The following CAPZB variants were observed in gnomAD, a reference collection of about 807,000 sequenced individuals.
The protein encoded by CAPZB is capping actin protein of muscle Z-line subunit beta, also known as F-actin-capping protein subunit beta.
Under a neutral mutation model 38.1 loss-of-function variants are expected in CAPZB, and 2 were observed. The observed-to-expected ratio is 0.05, with a 90% CI of 0.02 to 0.17. The LOEUF (loss-of-function observed/expected upper bound fraction) is 0.17. CAPZB is among the 10% of genes least tolerant of loss of function. CAPZB has a pLI of 1.00. For synonymous variants in CAPZB, 107 were observed against 127.4 expected, an observed-to-expected ratio of 0.84 and a Z score of 1.08; for missense variants, 161 against 334.2, an observed-to-expected ratio of 0.48 and a Z score of 4.04.
intron 1 of CAPZB, chr1:19,420,120 T>G: frequency 5.6e-6 from 1 of 178,318 alleles, no homozygotes; most frequent in East Asian, 1.5e-4. Context: ...GCGGATTACT[T>G]TTGCCCTTTG....
At chr1:19,371,582 G>T (rs1381299690) in intron 4 of CAPZB, among the ~76,000 whole-genome samples, 2 of 152,176 alleles carry the variant, frequency 1.3e-5, no homozygotes, top group East Asian at 3.9e-4. Flanking sequence ...TAAAGCCAAG[G>T]TCCTCTCCAT....
At chr1:19,387,735 C>T (rs2094211576) in intron 2 of CAPZB, among the ~76,000 whole-genome samples, 1 of 152,212 alleles carries the variant, frequency 6.6e-6, no homozygotes, top group Non-Finnish European at 1.5e-5. Context: ...TTTTACTTCT[C>T]TACTAAGACT....
intron 4 of CAPZB, among the ~76,000 whole-genome samples, chr1:19,373,639 A>C (rs2094130528): frequency 6.6e-6 from 1 of 151,798 alleles, no homozygotes; most frequent in African/African-American, 2.4e-5. Flanking sequence ...CTGGACCCTC[A>C]AGCCTATCTC....
rs1260094840 is a variant in CAPZB, at chr1:19,485,456, C to T, written c.-18G>A. On this transcript the variant is annotated 5_prime_UTR_variant, in exon 1 of 9. Coordinates refer to ENST00000264202, the MANE Select transcript of CAPZB (RefSeq NM_004930.5). ...TTTACCATGGTGGCGGCGGCGGCGG[C>T]GGTCCCGGTCCCGGCGTCAGTGGCT... The T allele has an allele frequency of 4.9e-6, 6 of 1,227,996 alleles. No homozygotes were observed. Among genetic ancestry groups the T allele is most frequent in the African/African-American group, 3.1e-5 (2 of 64,170 alleles). The allele number at this position is 1,227,996 out of a possible 1,614,324, so 76.1% of individuals were successfully genotyped here.
intron 2 of CAPZB, among the ~76,000 whole-genome samples, chr1:19,390,141 A>G (rs1325471970): frequency 5.3e-5 from 8 of 152,178 alleles, no homozygotes; most frequent in Admixed American, 5.2e-4. Context: ...TAATCTAACC[A>G]GTCCCTACAC....
chr1:19,419,547 T>C, intron 2 of CAPZB, 114 bp downstream of exon 2: 1 of 662,350 alleles, frequency 1.5e-6, no homozygotes, highest in African/African-American at 1.8e-5. Flanking sequence ...TGGCATGGTC[T>C]GCCAGGGAGA....
At chr1:19,395,977 C>T (rs985784958) in intron 2 of CAPZB, among the ~76,000 whole-genome samples, 1 of 152,252 alleles carries the variant, frequency 6.6e-6, no homozygotes, top group Non-Finnish European at 1.5e-5. Flanking sequence ...CCACACCCAG[C>T]ATCCTGCATG....
intron 2 of CAPZB, among the ~76,000 whole-genome samples, chr1:19,403,755 G>A (rs1221195196): frequency 6.6e-6 from 1 of 152,184 alleles, no homozygotes; most frequent in Non-Finnish European, 1.5e-5. Flanking sequence ...AATGAGGATT[G>A]GGACATACCT....
Position 19,414,747 on chromosome 1 carries a change from G to A in CAPZB, c.93+4914C>T, listed in dbSNP as rs140725782. ...TCTTGCTGCCAGTGTGCAGAGTAAG[G>A]CCATAGAAGGGCCAAGTTTATGAAG... On this transcript the variant is annotated intron_variant, in intron 2 of 8. Transcript: ENST00000264202. 6.7e-3 allele frequency among the ~76,000 whole-genome samples: 1,014 copies of A among 152,310 alleles called. 6 individuals are homozygous for A. The highest frequency in any genetic ancestry group is 0.011 in the Non-Finnish European group (750 of 68,020).
Position 19,485,475 on chromosome 1 carries a change from A to C in CAPZB, c.-37T>G. On this transcript the variant is annotated 5_prime_UTR_variant, in exon 1 of 9. Transcript: ENST00000264202. ...CGGCGGCGGTCCCGGTCCCGGCGTCAGTGGCTCTCCCCCCCGCAGCAGGGC... is the reference window on the plus strand; with the variant it reads ...CGGCGGCGGTCCCGGTCCCGGCGTCCGTGGCTCTCCCCCCCGCAGCAGGGC... 8.1e-7 allele frequency: 1 copy of C among 1,228,856 alleles called. No individual in the cohort carries two copies. The highest frequency in any genetic ancestry group is 1.0e-6 in the Non-Finnish European group (1 of 986,564). 76.1% of individuals were successfully genotyped at this position (1,228,856 alleles called of 1,614,324 possible).
chr1:19,338,852 G>T lies in CAPZB; in HGVS notation c.*678C>A, dbSNP rs13803. 1 of 152,438 alleles carries T rather than the reference G, an allele frequency of 6.6e-6. No homozygotes were observed. The highest frequency in any genetic ancestry group is 1.5e-5 in the Non-Finnish European group (1 of 68,046). 9.4% of individuals were successfully genotyped at this position (152,438 alleles called of 1,614,324 possible). A position where few individuals can be genotyped will look rare whatever the true frequency, so the allele number is the denominator to read the frequency against. ...TATGGAGGCTCAAGTATAAGATGTA[G>T]ATTTTTTTCTTAAGCTTTACAAAAA... is the stretch of plus-strand genomic sequence containing the variant. On this transcript the variant is annotated 3_prime_UTR_variant, in exon 9 of 9. Coordinates refer to ENST00000264202, the MANE Select transcript of CAPZB (RefSeq NM_004930.5).
intron 1 of CAPZB, among the ~76,000 whole-genome samples, chr1:19,447,987 C>T (rs1050766737): frequency 2.0e-5 from 3 of 152,160 alleles, no homozygotes; most frequent in East Asian, 1.9e-4. Context: ...GAAAAGAGGG[C>T]GGAGGGAGGG....
chr1:19,405,298 G>A (rs537865794), intron 2 of CAPZB, among the ~76,000 whole-genome samples: 2 of 152,182 alleles, frequency 1.3e-5, no homozygotes, highest in South Asian at 2.1e-4. Context: ...ATGGCATCCC[G>A]CAGGTGCTCG....
chr1:19,362,663 G>C (rs1447551868), intron 4 of CAPZB, among the ~76,000 whole-genome samples: 4 of 148,534 alleles, frequency 2.7e-5, no homozygotes, highest in Non-Finnish European at 6.0e-5. Flanking sequence ...AAAAAAGAAA[G>C]AAAAAAAAAA....
Position 19,456,391 on chromosome 1 carries a change from T to C in CAPZB, c.3+29045A>G, listed in dbSNP as rs570297049. Among the ~76,000 whole-genome samples the C allele has an allele frequency of 1.8e-4, 28 of 152,300 alleles. No homozygotes were observed. The East Asian group carries it at 3.3e-3, about 18-fold the overall frequency. On this transcript the variant is annotated intron_variant, in intron 1 of 8. Coordinates refer to ENST00000264202, the MANE Select transcript of CAPZB (RefSeq NM_004930.5). ...ATCCAAGCCAGGATCAGGTATTCCA[T>C]TGGAAACTAGTTTTTTAAAAAAATA...
chr1:19,390,639 G>A (rs767612970), intron 2 of CAPZB, among the ~76,000 whole-genome samples: 6 of 152,100 alleles, frequency 3.9e-5, no homozygotes, highest in African/African-American at 1.4e-4. Context: ...CTTCACCACC[G>A]ATACTTTTGC....
At chr1:19,444,490 ATTT>A (rs371651177) in intron 1 of CAPZB, among the ~76,000 whole-genome samples, 24 of 152,328 alleles carry the variant, frequency 1.6e-4, no homozygotes, top group African/African-American at 5.8e-4. Context: ...CAAAGGGACT[ATTT>A]ACAGAAAACA....
intron 4 of CAPZB, among the ~76,000 whole-genome samples, chr1:19,376,266 G>A (rs1247914417): frequency 2.0e-5 from 3 of 152,176 alleles, no homozygotes; most frequent in East Asian, 1.9e-4. Context: ...CGCATGGCAC[G>A]TTAGCTCCCC....
At chr1:19,404,426 T>A (rs1183682051) in intron 2 of CAPZB, among the ~76,000 whole-genome samples, 1 of 151,172 alleles carries the variant, frequency 6.6e-6, no homozygotes, top group African/African-American at 2.4e-5. Context: ...GGCCAGTAGT[T>A]CCAGCTATTC....
Sources: gnomAD v4.1 joint callset for allele counts (sites outside exome capture counted in the v4.1 genomes callset) on GRCh38, gnomAD v4.1.1 for gene constraint, MANE v1.5 for transcripts, NCBI Gene and HGNC (gene_info 2026-07-23, HGNC 2026-07-21) for gene names.